PBX1: variants seen among roughly 807,000 people sequenced by gnomAD.
PBX1 encodes pre-B-cell leukemia transcription factor 1.
In PBX1, 6 loss-of-function variants were observed where a neutral mutation model predicts 53.4. The observed-to-expected ratio is 0.11, with a 90% confidence interval of 0.06 to 0.22. The LOEUF is 0.22. PBX1 is among the 10% of genes least tolerant of loss of function. The probability of loss-of-function intolerance (pLI) is 1.00; values close to 1 mark genes in which losing one functional copy is unlikely to be tolerated. For missense variants in PBX1, 251 were observed against 551.4 expected, an observed-to-expected ratio of 0.46 and a Z score of 5.46; for synonymous variants, 204 against 212.3, an observed-to-expected ratio of 0.96 and a Z score of 0.34.
intron 2 of PBX1, among the ~76,000 whole-genome samples, chr1:164,746,169 A>T (rs1665878990): frequency 6.6e-6 from 1 of 152,214 alleles, no homozygotes; most frequent in Admixed American, 6.5e-5. Context: ...AAGTATGTAG[A>T]GGTATGTTTC....
At chr1:164,621,277 G>A (rs1398926593) in intron 2 of PBX1, among the ~76,000 whole-genome samples, 2 of 152,206 alleles carry the variant, frequency 1.3e-5, no homozygotes, top group African/African-American at 2.4e-5. Flanking sequence ...ATGAGCCACC[G>A]CGCCCTTCCT....
intron 2 of PBX1, among the ~76,000 whole-genome samples, chr1:164,865,089 G>C (rs1045951021): frequency 2.6e-5 from 4 of 152,190 alleles, no homozygotes; most frequent in Non-Finnish European, 5.9e-5. Context: ...ATTTTATAAG[G>C]TGTACTGACA....
rs142055036 is a variant in PBX1, at chr1:164,629,120, C to T, written c.265+65809C>T. Among the ~76,000 whole-genome samples the T allele has an allele frequency of 7.0e-3, 1,067 of 151,892 alleles. 17 individuals are homozygous for T. Among genetic ancestry groups the T allele is most frequent in the African/African-American group, 0.025 (1,020 of 41,408 alleles). On this transcript the variant is annotated intron_variant, in intron 2 of 8. Transcript: ENST00000420696. The stretch of plus-strand genomic sequence containing the variant: ...GTGACACTGTTTTCTCTTTTTTGCT[C>T]GAGGCTCTGTTTATTAGACTGCCAT...
intron 2 of PBX1, among the ~76,000 whole-genome samples, chr1:164,612,453 A>T (rs539575000): frequency 1.3e-5 from 2 of 152,184 alleles, no homozygotes; most frequent in East Asian, 3.9e-4. Context: ...CACCTCTCGT[A>T]GCTCTGGTTT....
chr1:164,675,377 T>C (rs1157022881), intron 2 of PBX1, among the ~76,000 whole-genome samples: 1 of 152,114 alleles, frequency 6.6e-6, no homozygotes, highest in African/African-American at 2.4e-5. Flanking sequence ...GTTTTTGCCT[T>C]ACTTTCAATG....
chr1:164,636,446 T>C (rs993522495), intron 2 of PBX1, among the ~76,000 whole-genome samples: 1 of 152,244 alleles, frequency 6.6e-6, no homozygotes, highest in African/African-American at 2.4e-5. Context: ...TCCACCTCAT[T>C]TATGAAATTG....
intron 2 of PBX1, chr1:164,683,016 A>T (rs1444345760): frequency 2.0e-5 from 3 of 152,220 alleles, no homozygotes; most frequent in Non-Finnish European, 4.4e-5. Flanking sequence ...GCATGTCTTG[A>T]CGCAGAGGAT....
In PBX1 at chr1:164,600,291, G is replaced by A. The variant is rs563701278; in HGVS notation, c.265+36980G>A. Among the ~76,000 whole-genome samples the A allele has an allele frequency of 2.6e-3, 344 of 133,594 alleles. 2 individuals are homozygous for A. Among genetic ancestry groups the A allele is most frequent in the Non-Finnish European group, 4.2e-3 (276 of 65,134 alleles). 87.6% of individuals were successfully genotyped at this position (133,594 alleles called of 152,430 possible). ...TTTTGATACAGAGTCTTACTCTGTC[G>A]CCCAGGCTGGAGTGCAGTGGCGTGA... On this transcript the variant is annotated intron_variant, in intron 2 of 8. Coordinates refer to ENST00000420696, the MANE Select transcript of PBX1 (RefSeq NM_002585.4).
intron 8 of PBX1, among the ~76,000 whole-genome samples, chr1:164,832,755 T>C (rs1670831821): frequency 6.6e-6 from 1 of 151,988 alleles, no homozygotes; most frequent in African/African-American, 2.4e-5. Context: ...AAGAATAAAA[T>C]TGGCAGGAGA....
intron 2 of PBX1, among the ~76,000 whole-genome samples, chr1:164,791,830 G>A (rs948421708): frequency 2.0e-5 from 3 of 151,684 alleles, no homozygotes; most frequent in Non-Finnish European, 4.4e-5. Context: ...TACCTTTTTG[G>A]GGGGTGGGGG....
intron 2 of PBX1, among the ~76,000 whole-genome samples, chr1:164,741,081 T>A (rs1478733820): frequency 6.6e-6 from 1 of 152,250 alleles, no homozygotes; most frequent in East Asian, 1.9e-4. Flanking sequence ...CTTGGCACTA[T>A]GTAGGATTAA....
chr1:164,565,945 G>A (rs1653405472), intron 2 of PBX1, among the ~76,000 whole-genome samples: 1 of 152,026 alleles, frequency 6.6e-6, no homozygotes. Flanking sequence ...GAGGTTACTT[G>A]ATTTAGGGTG....
chr1:164,830,139 G>A (rs945936305), intron 8 of PBX1, among the ~76,000 whole-genome samples: 2 of 152,158 alleles, frequency 1.3e-5, no homozygotes, highest in African/African-American at 4.8e-5. Flanking sequence ...GAATAAATGT[G>A]ATGGTGTGCA....
At chr1:164,683,681 A>G (rs1661922095) in intron 2 of PBX1, 1 of 151,576 alleles carries the variant, frequency 6.6e-6, no homozygotes, top group African/African-American at 2.4e-5. Context: ...TTAAGGACTG[A>G]CTGCTGAACA....
intron 2 of PBX1, among the ~76,000 whole-genome samples, chr1:164,604,697 A>G (rs1305305868): frequency 1.3e-5 from 2 of 152,244 alleles, no homozygotes; most frequent in Non-Finnish European, 2.9e-5. Context: ...GAACTGCTAG[A>G]GAAGACTGCA....
chr1:164,588,646 T>C (rs556838952), intron 2 of PBX1, among the ~76,000 whole-genome samples: 1 of 151,974 alleles, frequency 6.6e-6, no homozygotes, highest in Non-Finnish European at 1.5e-5. Context: ...ACAAGTCTGC[T>C]GTGGCTTTAT....
At chr1:164,581,224 C>T (rs543673488) in intron 2 of PBX1, among the ~76,000 whole-genome samples, 26 of 151,298 alleles carry the variant, frequency 1.7e-4, no homozygotes, top group Non-Finnish European at 3.5e-4. Context: ...GCTCCCCGAC[C>T]GCCATTTTTT....
In PBX1 at chr1:164,848,093, T is replaced by C; in HGVS notation, c.*1417T>C. On this transcript the variant is annotated 3_prime_UTR_variant, in exon 9 of 9. Coordinates refer to ENST00000420696, the MANE Select transcript of PBX1 (RefSeq NM_002585.4). ...TATAAGAACGTGGCTCATGTGAACT[T>C]TTGCTAGCTTCATTTGAGGACCTGA... is the stretch of plus-strand genomic sequence containing the variant. 9.5e-7 allele frequency: 1 copy of C among 1,052,244 alleles called. No individual in the cohort carries two copies. The highest frequency in any genetic ancestry group is 1.1e-6 in the Non-Finnish European group (1 of 871,108). The allele number at this position is 1,052,244 out of a possible 1,614,324, so 65.2% of individuals were successfully genotyped here.
chr1:164,730,789 G>A (rs769534719), intron 2 of PBX1, among the ~76,000 whole-genome samples: 2 of 151,980 alleles, frequency 1.3e-5, no homozygotes, highest in Non-Finnish European at 2.9e-5. Flanking sequence ...CTGTCCCCTT[G>A]GTGCTAAAGA....
Sources: allele counts gnomAD v4.1 joint callset (sites outside exome capture counted in the v4.1 genomes callset), GRCh38; gene constraint gnomAD v4.1.1; transcripts MANE v1.5; gene names NCBI Gene and HGNC (gene_info 2026-07-23, HGNC 2026-07-21).